Variants in NDUFB11 observed in about 807,000 individuals in gnomAD.
NDUFB11 encodes the protein NADH dehydrogenase [ubiquinone] 1 beta subcomplex subunit 11, mitochondrial.
For missense variants in NDUFB11, 108 were observed against 133.8 expected, an observed-to-expected ratio of 0.81 and a Z score of 0.95; for synonymous variants, 51 against 57.4, an observed-to-expected ratio of 0.89 and a Z score of 0.51.
Position 47,142,273 on chromosome X carries a change from G to A in NDUFB11, c.*44C>T, listed in dbSNP as rs781894056. 7 of 1,190,152 alleles carry A rather than the reference G, an allele frequency of 5.9e-6. No homozygotes were observed. In the South Asian group the frequency reaches 1.3e-4, roughly 22 times the overall value. ...GAGAAGAGGTCAGAATGGCAGGCAG[G>A]GGGTGGGGAAGGCGGTGCTTCTTGA... On this transcript the variant is annotated 3_prime_UTR_variant, in exon 3 of 3. Coordinates refer to ENST00000377811, the MANE Select transcript of NDUFB11 (RefSeq NM_001135998.3).
rs374822796 is a variant in NDUFB11, at chrX:47,144,446, A to ACCCCCCCCCC, written c.207+17_207+26dup. ...ACCCCTTCGGGGTTCCGTCCCCACTACCCCCCCCCCCCCCCCCGCCTCTCA... is the reference window on the plus strand; with the variant it reads ...ACCCCTTCGGGGTTCCGTCCCCACTACCCCCCCCCCCCCCCCCCCCCCCCCCCGCCTCTCA... On this transcript the variant is annotated intron_variant, in intron 1 of 2. Transcript: ENST00000377811. The ACCCCCCCCCC allele has an allele frequency of 2.0e-4, 11 of 53,811 alleles. 1 individual carries two copies. The highest frequency in any genetic ancestry group is 3.5e-4 in the African/African-American group (1 of 2,841). 4.4% of individuals were successfully genotyped at this position (53,811 alleles called of 1,213,427 possible).
chrX:47,144,863 C>T (rs1174081436), upstream of NDUFB11: 3 of 409,525 alleles, frequency 7.3e-6, no homozygotes, highest in Non-Finnish European at 1.2e-5. Flanking sequence ...GTCGTGGCTT[C>T]GTGGGGCCAA....
chrX:47,143,613 C>G (rs1037987340), intron 1 of NDUFB11, among the ~76,000 whole-genome samples: 4 of 112,346 alleles, frequency 3.6e-5, no homozygotes, highest in Non-Finnish European at 3.8e-5. Context: ...GTGCCAGCTG[C>G]TGTTCTGACC....
upstream of NDUFB11, chrX:47,144,796 A>T: frequency 2.8e-6 from 2 of 721,902 alleles, no homozygotes; most frequent in Non-Finnish European, 3.8e-6. Context: ...TAGGTCCCAG[A>T]TCTGATTTGG....
chrX:47,145,444 G>A, upstream of NDUFB11: 2 of 1,154,679 alleles, frequency 1.7e-6, no homozygotes, highest in East Asian at 3.3e-5. Context: ...GCGGGCAGAG[G>A]TGATGTCTGG....
chrX:47,145,372 C>G, upstream of NDUFB11: 1 of 1,066,414 alleles, frequency 9.4e-7, no homozygotes, highest in Non-Finnish European at 1.3e-6. Flanking sequence ...TGCCTCCAGT[C>G]TCGGACTTGG....
At chrX:47,142,525 C>T in intron 2 of NDUFB11, 85 bp from the exon 3 acceptor site, 2 of 1,203,452 alleles carry the variant, frequency 1.7e-6, no homozygotes, top group Non-Finnish European at 1.1e-6. Context: ...CCCAATGGTG[C>T]AGGAACAAAA....
At chrX:47,145,397 G>C (rs1462203114), upstream of NDUFB11, 15 of 1,131,749 alleles carry the variant, frequency 1.3e-5, no homozygotes, top group Non-Finnish European at 1.8e-5. Context: ...TGCGCGCTCC[G>C]GCTCCGGCTG....
At chrX:47,145,354 C>T, upstream of NDUFB11, 2 of 969,917 alleles carry the variant, frequency 2.1e-6, no homozygotes, top group Non-Finnish European at 2.8e-6. Context: ...TCTCCCCTCC[C>T]CCCGATCTGC....
chrX:47,144,446 A>AACCCCCCCCCCC, intron 1 of NDUFB11, 27 bp downstream of exon 1: 1 of 53,658 alleles, frequency 1.9e-5, no homozygotes, highest in Non-Finnish European at 3.3e-5. Context: ...CGTCCCCACT[A>AACCCCCCCCCCC]CCCCCCCCCC....
At chrX:47,144,446 A>ACCCGC in intron 1 of NDUFB11, 27 bp downstream of exon 1, 1 of 53,658 alleles carries the variant, frequency 1.9e-5, no homozygotes, top group South Asian at 2.4e-4. Context: ...CGTCCCCACT[A>ACCCGC]CCCCCCCCCC....
At chrX:47,144,438 T>TGCC in intron 1 of NDUFB11, 35 bp downstream of exon 1, 18 of 405,658 alleles carry the variant, frequency 4.4e-5, no homozygotes, top group East Asian at 1.6e-4. Flanking sequence ...CGGGGTTCCG[T>TGCC]CCCCACTACC....
chrX:47,145,427 G>A (rs1556761604), upstream of NDUFB11: 12 of 1,154,018 alleles, frequency 1.0e-5, no homozygotes, highest in South Asian at 1.9e-4. Context: ...AGTTGGAGGA[G>A]GTGGCGGCGG....
At chrX:47,142,809 A>G (rs1232828055) in intron 1 of NDUFB11, 65 bp from the exon 2 acceptor site, 1 of 1,121,466 alleles carries the variant, frequency 8.9e-7, no homozygotes, top group Non-Finnish European at 1.2e-6. Context: ...CTGGCCCTGC[A>G]TAACTTGGTC....
At chrX:47,144,446 A>AGC in intron 1 of NDUFB11, 27 bp downstream of exon 1, 1 of 53,657 alleles carries the variant, frequency 1.9e-5, no homozygotes, top group Non-Finnish European at 3.3e-5. Flanking sequence ...CGTCCCCACT[A>AGC]CCCCCCCCCC....
chrX:47,145,485 G>A (rs1556761636), upstream of NDUFB11: 1 of 1,154,075 alleles, frequency 8.7e-7, no homozygotes, highest in Admixed American at 2.6e-5. Context: ...GGGCCGAGAA[G>A]GTGAGCGTCG....
intron 1 of NDUFB11, among the ~76,000 whole-genome samples, chrX:47,143,020 T>A (rs1251726600): frequency 1.8e-5 from 2 of 112,192 alleles, no homozygotes; most frequent in Non-Finnish European, 3.8e-5. Flanking sequence ...CTAGTTACCT[T>A]GTCTTTCAAA....
chrX:47,142,879 TCCC>T, intron 1 of NDUFB11, 135 bp from the exon 2 acceptor site: 1 of 720,056 alleles, frequency 1.4e-6, no homozygotes, highest in Non-Finnish European at 2.0e-6. Context: ...TCAAGCTCCT[TCCC>T]ACTGCAGGGC....
intron 1 of NDUFB11, 29 bp from the exon 2 acceptor site, chrX:47,142,773 T>C: frequency 8.4e-7 from 1 of 1,193,164 alleles, no homozygotes; most frequent in Non-Finnish European, 1.1e-6. Flanking sequence ...CAATGAGGGC[T>C]TCCTGCTGCT....
Sources: allele counts gnomAD v4.1 joint callset (sites outside exome capture counted in the v4.1 genomes callset), GRCh38; gene constraint gnomAD v4.1.1; transcripts MANE v1.5; gene names NCBI Gene and HGNC (gene_info 2026-07-23, HGNC 2026-07-21).